The following FRMD4A variants were observed in gnomAD, a reference collection of about 807,000 sequenced individuals.
FRMD4A encodes the protein FERM domain-containing protein 4A.
In FRMD4A, 29 loss-of-function variants were observed where a neutral mutation model predicts 129.1. The ratio of observed to expected loss-of-function variants is 0.22; its 90% confidence interval spans 0.17 to 0.31. The LOEUF (loss-of-function observed/expected upper bound fraction) is 0.31, where lower values mean the gene tolerates loss of function less well. Ranked by LOEUF, FRMD4A falls within the 10% of genes least tolerant of loss-of-function variation. FRMD4A has a pLI of 1.00. For missense variants in FRMD4A, 1,272 were observed against 1,375.8 expected (o/e 0.92, Z 1.19); for synonymous variants, 634 against 571.6 (o/e 1.11, Z -1.56).
intron 2 of FRMD4A, among the ~76,000 whole-genome samples, chr10:14,263,343 G>A (rs895165933): frequency 6.6e-6 from 1 of 152,176 alleles, no homozygotes; most frequent in African/African-American, 2.4e-5. Flanking sequence ...GGAAGGGGAC[G>A]GGCCCCATAA....
At chr10:14,054,852 G>C (rs1834434341) in intron 2 of FRMD4A, among the ~76,000 whole-genome samples, 2 of 152,174 alleles carry the variant, frequency 1.3e-5, no homozygotes, top group African/African-American at 2.4e-5. Flanking sequence ...GTTTTATAAA[G>C]GGCAGTTTTT....
intron 2 of FRMD4A, among the ~76,000 whole-genome samples, chr10:14,185,440 G>T (rs1424735110): frequency 6.6e-6 from 1 of 152,204 alleles, no homozygotes; most frequent in Non-Finnish European, 1.5e-5. Flanking sequence ...GTACAGATGA[G>T]GATGTCGTGG....
In FRMD4A at chr10:13,942,914, A is replaced by G. The variant is rs528325283; in HGVS notation, c.46-84002T>C. Among the ~76,000 whole-genome samples, 11 of 152,210 alleles carry G rather than the reference A, an allele frequency of 7.2e-5. No individual in the cohort carries two copies. The East Asian group carries it at 1.5e-3, about 21-fold the overall frequency. Reference sequence around the variant, plus strand: ...TGCCACTGCACTCTAGCCTGGCGAAAGAGTGAGACTCCATCTCAACAAAAA... The same window carrying G: ...TGCCACTGCACTCTAGCCTGGCGAAGGAGTGAGACTCCATCTCAACAAAAA... On this transcript the variant is annotated intron_variant, in intron 2 of 24. Coordinates refer to ENST00000357447, the MANE Select transcript of FRMD4A (RefSeq NM_018027.5).
chr10:14,043,499 G>A (rs919404221), intron 2 of FRMD4A, among the ~76,000 whole-genome samples: 7 of 151,956 alleles, frequency 4.6e-5, no homozygotes, highest in Admixed American at 4.6e-4. Context: ...TCTCTGATGT[G>A]CAGTTGAGGT....
At chr10:13,988,333 C>T (rs945551693) in intron 2 of FRMD4A, among the ~76,000 whole-genome samples, 5 of 152,148 alleles carry the variant, frequency 3.3e-5, no homozygotes, top group Non-Finnish European at 7.3e-5. Flanking sequence ...TAGGATGTCA[C>T]AGAGGAAGAG....
chr10:14,145,776 C>G (rs148871046), intron 2 of FRMD4A, among the ~76,000 whole-genome samples: 2 of 152,258 alleles, frequency 1.3e-5, no homozygotes, highest in African/African-American at 4.8e-5. Context: ...TAATTTCTCA[C>G]TATGCTGCCT....
chr10:14,277,118 T>C (rs993014433), intron 2 of FRMD4A, among the ~76,000 whole-genome samples: 1 of 152,076 alleles, frequency 6.6e-6, no homozygotes, highest in Admixed American at 6.5e-5. Context: ...TCCTCCATCC[T>C]CCCAAACTGC....
intron 6 of FRMD4A, among the ~76,000 whole-genome samples, chr10:13,769,030 G>A (rs1422604750): frequency 4.8e-5 from 6 of 123,956 alleles, no homozygotes; most frequent in East Asian, 2.5e-4. Flanking sequence ...TTGCCTTGTC[G>A]CCCAGGCTGG....
chr10:13,659,408 C>T lies in FRMD4A; in HGVS notation c.1981G>A (p.Gly661Ser), dbSNP rs1031730680. The T allele has an allele frequency of 6.2e-6, 10 of 1,614,076 alleles. No individual in the cohort carries two copies. Among genetic ancestry groups the T allele is most frequent in the Non-Finnish European group, 5.9e-6 (7 of 1,179,988 alleles). Residue 661 changes from glycine to serine, a missense_variant, in exon 21 of 25, where the codon GGC (glycine) becomes AGC (serine). Physicochemically the swap from Gly to Ser is moderately conservative, Grantham distance 56 (BLOSUM62 0). Around this residue, in one of 2 missense-constraint regions of FRMD4A, gnomAD observed 972 missense variants for 892.3 expected, o/e 1.09. Coordinates refer to ENST00000357447, the MANE Select transcript of FRMD4A (RefSeq NM_018027.5). ...GACTGGGAGTTCCAGTGCGGGAGGC[C>T]GCGGATGGGGCTGTTCTGCAAGGAG... ...SNSLQNSPIR[G>S]LPHWNSQSSM...
At chr10:13,692,526 C>G (rs2085807021) in intron 15 of FRMD4A, 2 of 152,368 alleles carry the variant, frequency 1.3e-5, no homozygotes, top group Admixed American at 1.3e-4. Context: ...TGTGAACACA[C>G]TGCTAAGGTC....
At chr10:13,761,597 A>T in intron 8 of FRMD4A, 50 bp downstream of exon 8, 1 of 1,375,444 alleles carries the variant, frequency 7.3e-7, no homozygotes, top group Non-Finnish European at 1.0e-6. Flanking sequence ...TTTAATAGAG[A>T]AGCAAGGGCT....
At chr10:13,815,230 C>T (rs985688378) in intron 3 of FRMD4A, among the ~76,000 whole-genome samples, 3 of 152,120 alleles carry the variant, frequency 2.0e-5, no homozygotes, top group South Asian at 2.1e-4. Flanking sequence ...AATATTATTT[C>T]GCCCTAAAAA....
At chr10:14,306,249 T>C (rs1846347935) in intron 2 of FRMD4A, among the ~76,000 whole-genome samples, 1 of 152,172 alleles carries the variant, frequency 6.6e-6, no homozygotes, top group African/African-American at 2.4e-5. Context: ...GGAAATTATA[T>C]ACATGTTTTA....
chr10:14,110,294 G>C (rs1353980654), intron 2 of FRMD4A, among the ~76,000 whole-genome samples: 1 of 151,374 alleles, frequency 6.6e-6, no homozygotes, highest in Non-Finnish European at 1.5e-5. Context: ...ACTTTGTCTA[G>C]TTTAGAAGAT....
chr10:13,774,555 G>T (rs1240281046), intron 6 of FRMD4A, among the ~76,000 whole-genome samples: 2 of 152,190 alleles, frequency 1.3e-5, no homozygotes, highest in African/African-American at 2.4e-5. Flanking sequence ...CAGGCAGGAA[G>T]GGAAGGGTTT....
At position 13,644,410 on chromosome 10, in the gene FRMD4A, T is replaced by C. The variant is rs1439836197; in HGVS notation, c.*2628A>G. On this transcript the variant is annotated 3_prime_UTR_variant, in exon 25 of 25. Coordinates refer to ENST00000357447, the MANE Select transcript of FRMD4A (RefSeq NM_018027.5). Reference sequence around the variant, plus strand: ...TCAAAGGACTAACGTTTTATGTACATTTTGTATTAACTGAACTCAGCTAAA... The same window carrying C: ...TCAAAGGACTAACGTTTTATGTACACTTTGTATTAACTGAACTCAGCTAAA... The C allele has an allele frequency of 6.6e-6, 1 of 152,256 alleles. No homozygotes were observed. Among genetic ancestry groups the C allele is most frequent in the Admixed American group, 6.5e-5 (1 of 15,290 alleles). 9.4% of individuals were successfully genotyped at this position (152,256 alleles called of 1,614,324 possible).
intron 2 of FRMD4A, among the ~76,000 whole-genome samples, chr10:13,967,431 T>C (rs1323412870): frequency 1.3e-5 from 2 of 152,116 alleles, no homozygotes; most frequent in African/African-American, 4.8e-5. Context: ...TTGGGTGCAG[T>C]GTATACTGCT....
chr10:14,199,278 CTTATTTTAT>C (rs759077380), intron 2 of FRMD4A, among the ~76,000 whole-genome samples: 28,536 of 139,474 alleles, frequency 0.2, 2,800 homozygotes, highest in Middle Eastern at 0.23. Flanking sequence ...TTTTAAGTGT[CTTATTTTAT>C]TTATTTATTT....
intron 4 of FRMD4A, among the ~76,000 whole-genome samples, chr10:13,804,801 G>A (rs543479708): frequency 1.1e-4 from 16 of 147,254 alleles, no homozygotes; most frequent in African/African-American, 3.5e-4. Context: ...CTTGTGATCT[G>A]CCTACCTCGG....
Sources: gnomAD v4.1 joint callset for allele counts (sites outside exome capture counted in the v4.1 genomes callset) on GRCh38, gnomAD v4.1.1 for gene constraint, gnomAD v4.1.1 regional missense constraint, MANE v1.5 for transcripts, NCBI Gene and HGNC (gene_info 2026-07-23, HGNC 2026-07-21) for gene names.